FBN2: variants seen among roughly 807,000 people sequenced by gnomAD.
FBN2 encodes the protein fibrillin-2.
A neutral mutation model predicts 355.6 loss-of-function variants in FBN2; 105 were observed. The observed-to-expected ratio is 0.30, with a 90% CI of 0.25 to 0.35. The LOEUF is 0.35. Among genes scored for constraint, FBN2 ranks in the 10% least tolerant of loss-of-function variants. The pLI, the probability that FBN2 is intolerant of heterozygous loss-of-function variation, is 1.00. For missense variants in FBN2, 3,280 were observed against 3,758.7 expected, an observed-to-expected ratio of 0.87 and a Z score of 3.33; for synonymous variants, 1,350 against 1,301.2, an observed-to-expected ratio of 1.04 and a Z score of -0.81.
intron 48 of FBN2, among the ~76,000 whole-genome samples, chr5:128,297,976 G>A (rs1222475330): frequency 9.4e-4 from 142 of 151,198 alleles, no homozygotes; most frequent in Admixed American, 1.8e-3. Context: ...GGCTGGTACC[G>A]GTTGTTCCTT....
At chr5:128,459,624 G>A (rs982480564) in intron 6 of FBN2, among the ~76,000 whole-genome samples, 1 of 152,092 alleles carries the variant, frequency 6.6e-6, no homozygotes, top group Non-Finnish European at 1.5e-5. Flanking sequence ...AGTCAGCTTC[G>A]TCCCCAGGAT....
intron 7 of FBN2, among the ~76,000 whole-genome samples, chr5:128,440,136 G>A (rs1753879426): frequency 2.0e-5 from 3 of 152,062 alleles, no homozygotes; most frequent in African/African-American, 7.2e-5. Context: ...TTTATAACAT[G>A]TTTTAGTATC....
intron 5 of FBN2, among the ~76,000 whole-genome samples, chr5:128,475,730 GA>G (rs1166653230): frequency 3.9e-5 from 6 of 152,072 alleles, no homozygotes; most frequent in Non-Finnish European, 8.8e-5. Context: ...AAGAAAAAGA[GA>G]AAAATCCTTC....
chr5:128,333,873 AC>A (rs79980598), intron 31 of FBN2, among the ~76,000 whole-genome samples: 52,086 of 140,828 alleles, frequency 0.37, 9,472 homozygotes, highest in East Asian at 0.73. Context: ...ACACACACAC[AC>A]ACTACTGGCT....
chr5:128,392,941 C>A (rs1360320752), intron 10 of FBN2, among the ~76,000 whole-genome samples, 194 bp downstream of exon 10: 1 of 152,110 alleles, frequency 6.6e-6, no homozygotes, highest in Non-Finnish European at 1.5e-5. Context: ...TACATTTTCC[C>A]AAATTTAGTA....
At chr5:128,534,987 C>G (rs1388605225) in intron 2 of FBN2, among the ~76,000 whole-genome samples, 1 of 152,166 alleles carries the variant, frequency 6.6e-6, no homozygotes, top group Non-Finnish European at 1.5e-5. Context: ...TCTAAAAAAC[C>G]GTGTAAGTTT....
chr5:128,412,361 G>A (rs1025480725), intron 7 of FBN2, among the ~76,000 whole-genome samples: 2 of 152,226 alleles, frequency 1.3e-5, no homozygotes, highest in African/African-American at 2.4e-5. Flanking sequence ...TAGTGGAAGA[G>A]AGTGTCTTTT....
intron 5 of FBN2, among the ~76,000 whole-genome samples, chr5:128,466,931 CTAATTA>C (rs1419732239): frequency 1.3e-5 from 2 of 152,144 alleles, no homozygotes; most frequent in African/African-American, 4.8e-5. Context: ...CATTAAATTC[CTAATTA>C]TAAGTTATAT....
At chr5:128,374,173 C>T (rs945008739) in intron 15 of FBN2, among the ~76,000 whole-genome samples, 2 of 152,078 alleles carry the variant, frequency 1.3e-5, no homozygotes, top group African/African-American at 4.8e-5. Context: ...AGGGGGCTAT[C>T]TGGGGGTTCC....
At chr5:128,327,835 T>C (rs973904041) in intron 34 of FBN2, among the ~76,000 whole-genome samples, 6 of 152,058 alleles carry the variant, frequency 3.9e-5, no homozygotes, top group African/African-American at 1.4e-4. Context: ...ATGGAGTTTC[T>C]CCATGTTGTT....
intron 5 of FBN2, among the ~76,000 whole-genome samples, chr5:128,469,159 G>A (rs1754789290): frequency 6.6e-6 from 1 of 152,172 alleles, no homozygotes; most frequent in African/African-American, 2.4e-5. Flanking sequence ...GAGCACCAAT[G>A]TCTTTGACCT....
chr5:128,533,273 C>A (rs571610252), intron 2 of FBN2, among the ~76,000 whole-genome samples: 1 of 152,108 alleles, frequency 6.6e-6, no homozygotes, highest in East Asian at 1.9e-4. Context: ...GAGAGGAGAC[C>A]CAAAGTACCT....
At chr5:128,434,478 C>T (rs985816455) in intron 7 of FBN2, among the ~76,000 whole-genome samples, 1 of 143,290 alleles carries the variant, frequency 7.0e-6, no homozygotes, top group East Asian at 2.0e-4. Flanking sequence ...CTAGGTATTA[C>T]ATTTCAAGTT....
chr5:128,423,491 C>G (rs1020615916), intron 7 of FBN2, among the ~76,000 whole-genome samples: 2 of 152,092 alleles, frequency 1.3e-5, no homozygotes, highest in African/African-American at 4.8e-5. Context: ...CTTGAGAAAA[C>G]CCACCACCAT....
intron 48 of FBN2, among the ~76,000 whole-genome samples, chr5:128,292,246 A>T (rs751133673): frequency 1.3e-5 from 2 of 152,108 alleles, no homozygotes; most frequent in Admixed American, 6.5e-5. Context: ...GTGCCTATGG[A>T]AATGGAGGGC....
In FBN2 at chr5:128,313,923, T is replaced by TC. The variant is rs1314455779; in HGVS notation, c.4718-1129_4718-1128insG. Among the ~76,000 whole-genome samples the TC allele has an allele frequency of 2.0e-5, 3 of 147,226 alleles. No individual in the cohort carries two copies. In the East Asian group the frequency reaches 5.9e-4, roughly 29 times the overall value. On this transcript the variant is annotated intron_variant, in intron 36 of 64. Coordinates refer to ENST00000262464, the MANE Select transcript of FBN2 (RefSeq NM_001999.4). The stretch of plus-strand genomic sequence containing the variant: ...TACCACTGCCTCTATCATTACTATC[T>TC]TTTTTTTTTAATCACTACCAACTGA...
At chr5:128,409,619 A>C (rs1219850564) in intron 7 of FBN2, among the ~76,000 whole-genome samples, 1 of 152,196 alleles carries the variant, frequency 6.6e-6, no homozygotes, top group Admixed American at 6.5e-5. Context: ...TTGCTAATAC[A>C]TTTAAAAAGG....
intron 19 of FBN2, 56 bp from the exon 20 acceptor site, chr5:128,357,451 T>C (rs1751530561): frequency 1.2e-6 from 2 of 1,607,546 alleles, no homozygotes; most frequent in African/African-American, 1.3e-5. Flanking sequence ...CTGGAAAATA[T>C]TATTCCAACA....
At chr5:128,327,917 C>T (rs928459657) in intron 34 of FBN2, among the ~76,000 whole-genome samples, 6 of 152,296 alleles carry the variant, frequency 3.9e-5, no homozygotes, top group South Asian at 2.1e-4. Context: ...GGAATATAGG[C>T]GTGAGCCACC....
Sources: allele counts gnomAD v4.1 joint callset (sites outside exome capture counted in the v4.1 genomes callset), GRCh38; gene constraint gnomAD v4.1.1; transcripts MANE v1.5; gene names NCBI Gene and HGNC (gene_info 2026-07-23, HGNC 2026-07-21).